Variants in CNBD2 observed in about 807,000 individuals in gnomAD.
The protein encoded by CNBD2 is cyclic nucleotide-binding domain-containing protein 2.
CNBD2 carries 64 observed loss-of-function variants against 63.7 expected under a neutral mutation model. That is an observed-to-expected ratio of 1.00 (90% CI 0.82 to 1.24). CNBD2 has a LOEUF of 1.24. Among genes scored for constraint, CNBD2 ranks in the 50% most tolerant of loss-of-function variants. The pLI, the probability that CNBD2 is intolerant of heterozygous loss-of-function variation, is 0.00. For synonymous variants in CNBD2, 229 were observed against 255.4 expected, an observed-to-expected ratio of 0.90 and a Z score of 0.99; for missense variants, 691 against 713.5, an observed-to-expected ratio of 0.97 and a Z score of 0.36.
chr20:36,000,753 A>AT (rs34139279), intron 8 of CNBD2, among the ~76,000 whole-genome samples: 25,987 of 121,548 alleles, frequency 0.21, 3,143 homozygotes, highest in South Asian at 0.39. Flanking sequence ...TGTGTATGAA[A>AT]TTTTTTTTTT....
Position 35,993,589 on chromosome 20 carries a change from G to A in CNBD2, c.856-1449G>A, listed in dbSNP as rs548553812. On this transcript the variant is annotated intron_variant, in intron 7 of 11. Transcript: ENST00000373973. Reference sequence around the variant, plus strand: ...AAAAAGTTACAAGAGTCTGTTTTATGTAAATGAATTCGTTGATGAAAAATT... The same window carrying A: ...AAAAAGTTACAAGAGTCTGTTTTATATAAATGAATTCGTTGATGAAAAATT... 2.0e-5 allele frequency among the ~76,000 whole-genome samples: 3 copies of A among 152,242 alleles called. No individual in the cohort carries two copies. In the South Asian group the frequency reaches 6.2e-4, roughly 32 times the overall value.
intron 10 of CNBD2, among the ~76,000 whole-genome samples, chr20:36,017,684 C>G (rs2147351818): frequency 6.6e-6 from 1 of 152,290 alleles, no homozygotes; most frequent in East Asian, 1.9e-4. Flanking sequence ...GTTTTTCATT[C>G]AACATTTATG....
Position 35,987,513 on chromosome 20 carries a change from T to C in CNBD2, c.835T>C (p.Phe279Leu). The C allele has an allele frequency of 6.2e-7, 1 of 1,614,168 alleles. No individual in the cohort carries two copies. The highest frequency in any genetic ancestry group is 8.5e-7 in the Non-Finnish European group (1 of 1,180,016). Residue 279 changes from phenylalanine (F) to leucine (L), a missense_variant, in exon 7 of 12, where the codon TTC (phenylalanine) becomes CTC (leucine). By Grantham distance (22) the Phe-to-Leu change is conservative. Transcript: ENST00000373973. Reference protein sequence around the residue: ...LISKDFGESPFIMFISKGSCE... With the variant: ...LISKDFGESPLIMFISKGSCE... ...CTCAAAAGATTTTGGAGAGTCACCC[T>C]TCATCATGTTTATCAGCAAGGTGAA...
chr20:35,993,131 A>G (rs1402882079), intron 7 of CNBD2, among the ~76,000 whole-genome samples: 2 of 151,502 alleles, frequency 1.3e-5, no homozygotes, highest in African/African-American at 4.8e-5. Flanking sequence ...TGGCACCTGC[A>G]GTTCCCCTAT....
At chr20:35,961,759 A>T (rs1188892907) in intron 2 of CNBD2, among the ~76,000 whole-genome samples, 1 of 152,136 alleles carries the variant, frequency 6.6e-6, no homozygotes. Context: ...TCTTGGCTTC[A>T]TAGTGAAGCT....
chr20:35,995,747 G>T (rs2056816162), intron 8 of CNBD2, among the ~76,000 whole-genome samples: 1 of 152,130 alleles, frequency 6.6e-6, no homozygotes, highest in African/African-American at 2.4e-5. Flanking sequence ...GCAAGTTTTT[G>T]TGTGAACATA....
At chr20:35,987,249 G>C (rs1035503273) in intron 6 of CNBD2, 146 bp from the exon 7 acceptor site, 1 of 823,238 alleles carries the variant, frequency 1.2e-6, no homozygotes. Flanking sequence ...ATGGCTACAG[G>C]CAAGGCCAGG....
At chr20:35,956,068 C>T (rs547744242), downstream of CNBD2, among the ~76,000 whole-genome samples, 1 of 152,320 alleles carries the variant, frequency 6.6e-6, no homozygotes, top group Admixed American at 6.5e-5. Context: ...AACTGAGGCC[C>T]TCAAAGGACA....
At chr20:35,981,757 G>T (rs1161983382) in intron 4 of CNBD2, among the ~76,000 whole-genome samples, 1 of 152,016 alleles carries the variant, frequency 6.6e-6, no homozygotes, top group Non-Finnish European at 1.5e-5. Flanking sequence ...TTCCTACATT[G>T]ATAAAGATTC....
chr20:36,018,785 G>A (rs915109297), intron 10 of CNBD2, among the ~76,000 whole-genome samples: 3 of 152,192 alleles, frequency 2.0e-5, no homozygotes, highest in Non-Finnish European at 2.9e-5. Flanking sequence ...CATGGGCAGC[G>A]CAGAAGAGAG....
chr20:36,011,227 G>A lies in CNBD2; in HGVS notation c.1239G>A (p.Lys413=), dbSNP rs375905011. ...AGGCTGCAGTGGGGGCCTACGTGAA[G>A]GTGCACACTGTGGAGCAGGGAGAAA... ...PKEAAVGAYV[K]VHTVEQGEIL... is the part of the protein sequence containing the mutation. Residue 413 remains lysine, a synonymous_variant, in exon 10 of 12, where the codon AAG becomes AAA. Transcript: ENST00000373973. The A allele has an allele frequency of 1.3e-5, 20 of 1,587,608 alleles. No homozygotes were observed. In the South Asian group the frequency reaches 2.2e-4, roughly 17 times the overall value.
intron 11 of CNBD2, 24 bp from the exon 12 acceptor site, chr20:36,030,333 T>C (rs1461755734): frequency 1.9e-6 from 3 of 1,611,426 alleles, no homozygotes; most frequent in Non-Finnish European, 2.5e-6. Flanking sequence ...CATGAGAACC[T>C]CGGCTTCTGT....
At chr20:35,992,486 T>A (rs1183339874) in intron 7 of CNBD2, among the ~76,000 whole-genome samples, 1 of 152,194 alleles carries the variant, frequency 6.6e-6, no homozygotes, top group Non-Finnish European at 1.5e-5. Context: ...CTCTGGAATC[T>A]GCATTTGAGC....
chr20:36,007,221 A>T (rs900352114), intron 8 of CNBD2, among the ~76,000 whole-genome samples: 3 of 148,612 alleles, frequency 2.0e-5, no homozygotes, highest in Non-Finnish European at 2.9e-5. Flanking sequence ...AATAAATAAG[A>T]TCATACAGTA....
intron 10 of CNBD2, among the ~76,000 whole-genome samples, chr20:36,019,529 G>GAAAAAAAAAA (rs60556168): frequency 1.5e-4 from 11 of 71,694 alleles, no homozygotes; most frequent in East Asian, 4.4e-4. Context: ...CTCAAAAAAA[G>GAAAAAAAAAA]AAAAAAAAAA....
rs547277399 is a variant in CNBD2, at chr20:35,979,556, C to T, written c.244-903C>T. On this transcript the variant is annotated intron_variant, in intron 3 of 11. Transcript: ENST00000373973. ...TATAGGCATGAGCCACTGTGCCCAG[C>T]GTCCACTTCTTAATAGTGTCAGAAT... Among the ~76,000 whole-genome samples the T allele has an allele frequency of 9.1e-4, 138 of 152,338 alleles. 2 individuals carry two copies. Among genetic ancestry groups the T allele is most frequent in the Admixed American group, 8.4e-3 (129 of 15,298 alleles).
chr20:35,976,270 G>A (rs1430013732), intron 3 of CNBD2, among the ~76,000 whole-genome samples: 8 of 152,200 alleles, frequency 5.3e-5, no homozygotes, highest in Admixed American at 5.2e-4. Context: ...AGAGTTCCTG[G>A]GCTTGGACCC....
At chr20:36,022,971 C>T (rs143890094) in intron 10 of CNBD2, among the ~76,000 whole-genome samples, 13 of 152,096 alleles carry the variant, frequency 8.5e-5, no homozygotes, top group Non-Finnish European at 1.6e-4. Context: ...AAGAGATTTG[C>T]TCGACAAAAA....
downstream of CNBD2, among the ~76,000 whole-genome samples, chr20:35,957,190 A>C (rs1186673416): frequency 6.6e-6 from 1 of 152,232 alleles, no homozygotes. Context: ...AAGGGCCCTT[A>C]GAAATGGAAT....
Sources: allele counts gnomAD v4.1 joint callset (sites outside exome capture counted in the v4.1 genomes callset), GRCh38; gene constraint gnomAD v4.1.1; transcripts MANE v1.5; gene names NCBI Gene and HGNC (gene_info 2026-07-23, HGNC 2026-07-21).